The following OPCML variants were observed in gnomAD, a reference collection of about 807,000 sequenced individuals.
The protein encoded by OPCML is opioid binding protein/cell adhesion molecule like, also known as opioid-binding protein/cell adhesion molecule.
OPCML carries 13 observed loss-of-function variants against 37.8 expected under a neutral mutation model. That is an observed-to-expected ratio of 0.34 (90% CI 0.22 to 0.55). The LOEUF is 0.55. Among genes scored for constraint, OPCML ranks in the 20% least tolerant of loss-of-function variants. OPCML has a pLI of 0.91. For missense variants in OPCML, 341 were observed against 435.6 expected (o/e 0.78, Z 1.93); for synonymous variants, 176 against 168.8 (o/e 1.04, Z -0.33).
intron 1 of OPCML, among the ~76,000 whole-genome samples, chr11:133,438,959 A>C (rs897979851): frequency 6.6e-6 from 1 of 152,040 alleles, no homozygotes; most frequent in African/African-American, 2.4e-5. Flanking sequence ...GCCCCCACAC[A>C]CCACACCCCA....
At chr11:132,586,327 C>T (rs1565686960) in intron 3 of OPCML, among the ~76,000 whole-genome samples, 1 of 152,106 alleles carries the variant, frequency 6.6e-6, no homozygotes, top group African/African-American at 2.4e-5. Flanking sequence ...CCCCATGTAC[C>T]TCTGAAATTT....
intron 2 of OPCML, among the ~76,000 whole-genome samples, chr11:132,907,274 G>A (rs1383168698): frequency 6.6e-6 from 1 of 152,108 alleles, no homozygotes; most frequent in African/African-American, 2.4e-5. Context: ...TTTCCATGGG[G>A]GTTCATGCCT....
At chr11:132,624,485 C>A (rs1164295433) in intron 3 of OPCML, among the ~76,000 whole-genome samples, 2 of 152,198 alleles carry the variant, frequency 1.3e-5, no homozygotes, top group Non-Finnish European at 2.9e-5. Context: ...CTGTATGCCT[C>A]TACCGACTCC....
At chr11:132,628,765 G>A (rs762646534) in intron 3 of OPCML, among the ~76,000 whole-genome samples, 4 of 152,130 alleles carry the variant, frequency 2.6e-5, no homozygotes, top group African/African-American at 4.8e-5. Context: ...ATGAGGGGGG[G>A]CAGTTACCCT....
intron 3 of OPCML, among the ~76,000 whole-genome samples, chr11:132,544,301 G>T (rs565258896): frequency 6.6e-6 from 1 of 152,252 alleles, no homozygotes; most frequent in East Asian, 1.9e-4. Flanking sequence ...CGTTTACTGG[G>T]GAGGGGTCAG....
At chr11:132,999,577 G>GCAGGA (rs372561939) in intron 1 of OPCML, among the ~76,000 whole-genome samples, 2 of 146,584 alleles carry the variant, frequency 1.4e-5, no homozygotes, top group African/African-American at 5.4e-5. Context: ...GTCGGGGGGG[G>GCAGGA]AATGCCACCG....
chr11:132,429,064 G>GATGC (rs1273690512), intron 7 of OPCML, among the ~76,000 whole-genome samples: 1 of 152,048 alleles, frequency 6.6e-6, no homozygotes, highest in Non-Finnish European at 1.5e-5. Flanking sequence ...TGGATGGATG[G>GATGC]ATGGATGGAT....
intron 1 of OPCML, among the ~76,000 whole-genome samples, chr11:132,973,577 C>A (rs565663002): frequency 2.6e-5 from 4 of 152,316 alleles, no homozygotes; most frequent in African/African-American, 9.6e-5. Context: ...CCTGGGTGAA[C>A]TCAGCTTTCT....
chr11:132,424,331 G>C (rs1215911814), intron 7 of OPCML, among the ~76,000 whole-genome samples: 8 of 152,144 alleles, frequency 5.3e-5, no homozygotes, highest in Admixed American at 5.2e-4. Flanking sequence ...ACGTTAGCCA[G>C]GATGTTCTCG....
intron 1 of OPCML, among the ~76,000 whole-genome samples, chr11:133,033,671 G>T (rs1172784129): frequency 6.6e-6 from 1 of 152,158 alleles, no homozygotes; most frequent in African/African-American, 2.4e-5. Flanking sequence ...AGAGCATTTT[G>T]CTATATTAAC....
At chr11:133,007,457 G>T in intron 1 of OPCML, 1 of 985,390 alleles carries the variant, frequency 1.0e-6, no homozygotes, top group Non-Finnish European at 1.2e-6. Context: ...TGCACACAAA[G>T]CCCTGCTGAT....
chr11:133,162,070 G>A (rs1950150468), intron 1 of OPCML, among the ~76,000 whole-genome samples: 1 of 146,472 alleles, frequency 6.8e-6, no homozygotes, highest in Non-Finnish European at 1.5e-5. Context: ...ACTGAAAGGA[G>A]GGACAGGGAT....
chr11:132,497,573 T>C (rs1179234499), intron 4 of OPCML, among the ~76,000 whole-genome samples: 1 of 152,090 alleles, frequency 6.6e-6, no homozygotes, highest in Non-Finnish European at 1.5e-5. Flanking sequence ...GAAAGAAGTA[T>C]TGGAGTGATC....
chr11:133,482,326 A>G (rs1400706768), intron 1 of OPCML, among the ~76,000 whole-genome samples: 2 of 152,192 alleles, frequency 1.3e-5, no homozygotes, highest in African/African-American at 4.8e-5. Flanking sequence ...AGCAGACAAC[A>G]TGGAGTTAAG....
chr11:133,000,366 G>T (rs1413400450), intron 1 of OPCML, among the ~76,000 whole-genome samples: 1 of 152,204 alleles, frequency 6.6e-6, no homozygotes, highest in Non-Finnish European at 1.5e-5. Flanking sequence ...GCCTGCCTCG[G>T]CCTCTCAAAG....
chr11:132,551,177 T>C (rs1565657362), intron 3 of OPCML, among the ~76,000 whole-genome samples: 1 of 152,268 alleles, frequency 6.6e-6, no homozygotes, highest in East Asian at 1.9e-4. Flanking sequence ...CCAGCAACAC[T>C]AAGAAGCTGT....
intron 1 of OPCML, among the ~76,000 whole-genome samples, chr11:133,223,701 T>C (rs561623898): frequency 7.2e-5 from 11 of 152,234 alleles, no homozygotes; most frequent in Non-Finnish European, 1.5e-4. Flanking sequence ...CAGAAAGATG[T>C]TTCCATTGTT....
At chr11:132,811,835 T>C (rs575383161) in intron 2 of OPCML, among the ~76,000 whole-genome samples, 22 of 152,120 alleles carry the variant, frequency 1.4e-4, no homozygotes, top group Non-Finnish European at 2.9e-4. Context: ...CATCCATGGG[T>C]GTGAAGAGCC....
intron 3 of OPCML, among the ~76,000 whole-genome samples, chr11:132,565,569 T>C (rs1261146419): frequency 1.3e-5 from 2 of 152,200 alleles, no homozygotes; most frequent in East Asian, 3.9e-4. Context: ...TGACTACAGC[T>C]AAACAGAATT....
Sources: allele counts gnomAD v4.1 joint callset (sites outside exome capture counted in the v4.1 genomes callset), GRCh38; gene constraint gnomAD v4.1.1; transcripts MANE v1.5; gene names NCBI Gene and HGNC (gene_info 2026-07-23, HGNC 2026-07-21).